Variants in CFAP47 observed in about 807,000 individuals in gnomAD.
The protein encoded by CFAP47 is cilia and flagella associated protein 47.
In CFAP47, 29 loss-of-function variants were observed where a neutral mutation model predicts 148.1. The observed-to-expected ratio is 0.20, with a 90% CI of 0.15 to 0.27. The LOEUF is 0.27. Ranked by LOEUF, CFAP47 falls within the 10% of genes least tolerant of loss-of-function variation. The pLI, the probability that CFAP47 is intolerant of heterozygous loss-of-function variation, is 1.00. For synonymous variants in CFAP47, 664 were observed against 577.3 expected (o/e 1.15, Z -2.15); for missense variants, 1,872 against 1,697.5 (o/e 1.10, Z -1.81).
chrX:36,371,937 T>C (rs782316229), intron 62 of CFAP47, among the ~76,000 whole-genome samples: 1 of 96,632 alleles, frequency 1.0e-5, no homozygotes, highest in African/African-American at 3.7e-5. Flanking sequence ...TATACACACA[T>C]GTGTATATGT....
At chrX:36,014,262 T>C (rs543032870) in intron 21 of CFAP47, among the ~76,000 whole-genome samples, 4 of 112,166 alleles carry the variant, frequency 3.6e-5, no homozygotes, top group African/African-American at 9.7e-5. Context: ...TAGTTCATTT[T>C]CTTAAATTGA....
intron 45 of CFAP47, among the ~76,000 whole-genome samples, chrX:36,206,031 C>CT (rs1351896249): frequency 8.9e-6 from 1 of 111,883 alleles, no homozygotes; most frequent in African/African-American, 3.2e-5. Flanking sequence ...GACTCAAATG[C>CT]TAAGTGGCCA....
intron 57 of CFAP47, among the ~76,000 whole-genome samples, chrX:36,332,144 T>G (rs1282469334): frequency 8.9e-6 from 1 of 111,942 alleles, no homozygotes; most frequent in Non-Finnish European, 1.9e-5. Flanking sequence ...ATTAAAATAT[T>G]TGATTACTTC....
rs998870958 is a variant in CFAP47, at chrX:36,097,501, A to G, written c.4917-1292A>G. On this transcript the variant is annotated intron_variant, in intron 30 of 63. Coordinates refer to ENST00000378653, the MANE Select transcript of CFAP47 (RefSeq NM_001304548.2). ...CATATTTGAAGGATAATTTTACTAG[A>G]TATTCTATTTTAGTGTAAAAGTGTT... Among the ~76,000 whole-genome samples, 4 of 111,216 alleles carry G rather than the reference A, an allele frequency of 3.6e-5. No individual in the cohort carries two copies. The East Asian group carries it at 1.1e-3, about 31-fold the overall frequency.
At chrX:36,051,164 G>T (rs1279696804) in intron 26 of CFAP47, among the ~76,000 whole-genome samples, 1 of 111,738 alleles carries the variant, frequency 8.9e-6, no homozygotes, top group Non-Finnish European at 1.9e-5. Flanking sequence ...CCCACACAGA[G>T]TCCCCACTGG....
At chrX:36,139,465 G>T (rs976125770) in intron 35 of CFAP47, among the ~76,000 whole-genome samples, 124 of 111,411 alleles carry the variant, frequency 1.1e-3, no homozygotes, top group African/African-American at 3.9e-3. Flanking sequence ...GGGCATTATG[G>T]GGGATAAAAG....
chrX:35,966,298 A>C (rs1030108208), intron 8 of CFAP47, among the ~76,000 whole-genome samples: 6 of 113,044 alleles, frequency 5.3e-5, no homozygotes, highest in Admixed American at 9.2e-5. Flanking sequence ...AATATTTAAG[A>C]AATATTAGCT....
intron 9 of CFAP47, among the ~76,000 whole-genome samples, chrX:35,967,115 C>T (rs2146659957): frequency 9.0e-6 from 1 of 111,072 alleles, no homozygotes; most frequent in East Asian, 2.8e-4. Flanking sequence ...GCCATTACTG[C>T]CATTCTGAGG....
chrX:36,064,828 C>G (rs1272002920), intron 26 of CFAP47, among the ~76,000 whole-genome samples: 2 of 111,907 alleles, frequency 1.8e-5, no homozygotes, highest in Non-Finnish European at 3.8e-5. Context: ...ATAAGATAGA[C>G]AGCCCAAATA....
At chrX:36,148,901 A>ATGTG (rs60968920) in intron 36 of CFAP47, among the ~76,000 whole-genome samples, 4,677 of 92,215 alleles carry the variant, frequency 0.051, 150 homozygotes, top group African/African-American at 0.11. Flanking sequence ...AACTGTATGT[A>ATGTG]TGTGTGTGTG....
At chrX:36,101,239 T>C (rs1391148397) in intron 32 of CFAP47, among the ~76,000 whole-genome samples, 1 of 112,075 alleles carries the variant, frequency 8.9e-6, no homozygotes, top group African/African-American at 3.2e-5. Context: ...ATCCAAACTG[T>C]GAAATACAGT....
At chrX:36,223,967 C>A (rs1345944231) in intron 45 of CFAP47, among the ~76,000 whole-genome samples, 1 of 110,657 alleles carries the variant, frequency 9.0e-6, no homozygotes, top group Non-Finnish European at 1.9e-5. Context: ...TGTAAAAATT[C>A]AATACATGTA....
At chrX:36,211,228 TCA>T in intron 45 of CFAP47, 1 of 235,430 alleles carries the variant, frequency 4.2e-6, no homozygotes, top group Non-Finnish European at 8.1e-6. Context: ...AGTCAGTTTC[TCA>T]GAGTTTTCTA....
intron 57 of CFAP47, among the ~76,000 whole-genome samples, chrX:36,347,122 A>C (rs186431045): frequency 2.4e-3 from 268 of 112,215 alleles, no homozygotes; most frequent in Middle Eastern, 0.014. Flanking sequence ...AAACTGGGCA[A>C]AGGATATGAA....
chrX:35,922,777 T>G (rs147861506), intron 1 of CFAP47, among the ~76,000 whole-genome samples: 1,172 of 112,478 alleles, frequency 0.01, 19 homozygotes, highest in African/African-American at 0.035. Context: ...CAGCCTCACA[T>G]TAGAATCCCT....
At chrX:36,050,557 T>C (rs1264861844) in intron 26 of CFAP47, among the ~76,000 whole-genome samples, 1 of 111,056 alleles carries the variant, frequency 9.0e-6, no homozygotes, top group Non-Finnish European at 1.9e-5. Flanking sequence ...CGATTTAGGG[T>C]ATCTGGCAGA....
At chrX:36,368,530 T>C (rs1436429275) in intron 62 of CFAP47, among the ~76,000 whole-genome samples, 1 of 111,303 alleles carries the variant, frequency 9.0e-6, no homozygotes, top group African/African-American at 3.3e-5. Context: ...ACCTGTAATG[T>C]AGAAGAAACT....
chrX:36,152,262 C>G (rs1477642239), intron 37 of CFAP47, among the ~76,000 whole-genome samples: 1 of 111,394 alleles, frequency 9.0e-6, no homozygotes, highest in Non-Finnish European at 1.9e-5. Context: ...AAAAGGTTGC[C>G]TTTTGTATAT....
rs1186950995 is a variant in CFAP47, at chrX:36,384,824, A to G, written c.9382A>G (p.Ile3128Val). 2.6e-6 allele frequency: 3 copies of G among 1,164,222 alleles called. No homozygotes were observed. In the African/African-American group the frequency reaches 5.4e-5, roughly 21 times the overall value. Residue 3128 changes from isoleucine to valine, a missense_variant, in exon 64 of 64, where the codon ATC becomes GTC. Coordinates refer to ENST00000378653, the MANE Select transcript of CFAP47 (RefSeq NM_001304548.2). ...QTEEMYWKYE[I>V]NGLTPTTVPP... ...AGAAGAAATGTACTGGAAGTATGAG[A>G]TCAATGGATTAACTCCAACTACCGT...
Sources: gnomAD v4.1 joint callset for allele counts (sites outside exome capture counted in the v4.1 genomes callset) on GRCh38, gnomAD v4.1.1 for gene constraint, MANE v1.5 for transcripts, NCBI Gene and HGNC (gene_info 2026-07-23, HGNC 2026-07-21) for gene names.